RGSL1: variants seen among roughly 807,000 people sequenced by gnomAD.
The protein encoded by RGSL1 is regulator of G protein signaling protein-like.
RGSL1 carries 97 observed loss-of-function variants against 124.7 expected under a neutral mutation model. That is an observed-to-expected ratio of 0.78 (90% CI 0.66 to 0.92). The LOEUF (loss-of-function observed/expected upper bound fraction) is 0.92, where lower values mean the gene tolerates loss of function less well. Among genes scored for constraint, RGSL1 ranks in the 40% least tolerant of loss-of-function variants. The pLI, the probability that RGSL1 is intolerant of heterozygous loss-of-function variation, is 0.00. For missense variants in RGSL1, 1,233 were observed against 1,288.4 expected (o/e 0.96, Z 0.66); for synonymous variants, 424 against 438.1 (o/e 0.97, Z 0.40).
chr1:182,554,707 G>A lies in RGSL1; in HGVS notation c.3197+14G>A, dbSNP rs1300424255. The A allele has an allele frequency of 3.2e-6, 5 of 1,551,330 alleles. No homozygotes were observed. Among genetic ancestry groups the A allele is most frequent in the Non-Finnish European group, 4.4e-6 (5 of 1,146,810 alleles). On this transcript the variant is annotated intron_variant, in intron 20 of 21. Transcript: ENST00000294854. ...TCCCGTCCAGGGGTAGGCATGAGCT[G>A]GAAATCCTCTTCTTCAGTCCAGAGC...
chr1:182,558,256 G>A (rs1660975355), intron 21 of RGSL1, among the ~76,000 whole-genome samples: 1 of 151,996 alleles, frequency 6.6e-6, no homozygotes, highest in Non-Finnish European at 1.5e-5. Flanking sequence ...TAAAAAATAT[G>A]GGAGGGGAGG....
upstream of RGSL1, among the ~76,000 whole-genome samples, chr1:182,448,940 G>A (rs983932129): frequency 3.3e-5 from 5 of 152,170 alleles, no homozygotes; most frequent in Non-Finnish European, 2.9e-5. Flanking sequence ...CAGTCTGAAA[G>A]CATTCCATCT....
In RGSL1 at chr1:182,541,765, C is replaced by T. The variant is rs149452107; in HGVS notation, c.2669+1344C>T. Among the ~76,000 whole-genome samples, 562 of 152,208 alleles carry T rather than the reference C, an allele frequency of 3.7e-3. 1 individual carries two copies. Among genetic ancestry groups the T allele is most frequent in the African/African-American group, 0.013 (526 of 41,540 alleles). On this transcript the variant is annotated intron_variant, in intron 15 of 21. Coordinates refer to ENST00000294854, the MANE Select transcript of RGSL1 (RefSeq NM_001137669.2). ...TTATTCCCTGTCTTTTTGATAATAG[C>T]GACTTTAACTAGGGTAAGATGATAT... is the stretch of plus-strand genomic sequence containing the variant.
In RGSL1 at chr1:182,458,370, T is replaced by C; in HGVS notation, c.148T>C (p.Trp50Arg). The C allele has an allele frequency of 1.3e-6, 2 of 1,552,122 alleles. No homozygotes were observed. Among genetic ancestry groups the C allele is most frequent in the Non-Finnish European group, 1.7e-6 (2 of 1,147,058 alleles). The change falls in exon 3 of 22, where the codon TGG becomes CGG. Residue 50 changes from tryptophan to arginine, a missense_variant. Transcript: ENST00000294854. ...TGTTGAAAATTCACAGTGGAGCTTG[T>C]GGCCAGAAATACCTTGTAACTTGGT... ...YTVENSQWSLWPEIPCNLIAK... is the reference protein window; with the variant it reads ...YTVENSQWSLRPEIPCNLIAK...
chr1:182,528,150 G>A (rs762320083), intron 11 of RGSL1, among the ~76,000 whole-genome samples: 5 of 152,142 alleles, frequency 3.3e-5, no homozygotes, highest in East Asian at 1.9e-4. Context: ...CAAATGAAGG[G>A]GGAAGCCCCT....
At chr1:182,507,696 T>C (rs1332985112) in intron 9 of RGSL1, among the ~76,000 whole-genome samples, 2 of 151,926 alleles carry the variant, frequency 1.3e-5, no homozygotes, top group Non-Finnish European at 1.5e-5. Flanking sequence ...AACATGGGAG[T>C]GCAGATTTTT....
chr1:182,498,261 G>A (rs1473840266), intron 9 of RGSL1, among the ~76,000 whole-genome samples: 3 of 151,564 alleles, frequency 2.0e-5, no homozygotes, highest in South Asian at 2.1e-4. Flanking sequence ...TTTCAAGCTG[G>A]CTTATGTCTC....
chr1:182,472,930 C>T (rs561869224), intron 5 of RGSL1, among the ~76,000 whole-genome samples: 2 of 152,226 alleles, frequency 1.3e-5, no homozygotes, highest in South Asian at 4.1e-4. Flanking sequence ...CTGTATGTGG[C>T]CTGTGAGCTA....
chr1:182,462,332 G>A (rs919860980), intron 4 of RGSL1, among the ~76,000 whole-genome samples: 23 of 152,150 alleles, frequency 1.5e-4, no homozygotes, highest in Middle Eastern at 6.8e-3. Flanking sequence ...GAGCTTTCCC[G>A]CAAGAAATGC....
Position 182,556,122 on chromosome 1 carries a change from T to C in RGSL1, c.*65T>C. On this transcript the variant is annotated 3_prime_UTR_variant, in exon 21 of 22. Coordinates refer to ENST00000294854, the MANE Select transcript of RGSL1 (RefSeq NM_001137669.2). ...GGCCTCCTAACACTGACAGAAACTT[T>C]TCTGGTCAAAAATGAAAGGTCCTGG... 1 of 1,466,140 alleles carries C rather than the reference T, an allele frequency of 6.8e-7. No homozygotes were observed. The highest frequency in any genetic ancestry group is 9.3e-7 in the Non-Finnish European group (1 of 1,080,142). 90.8% of individuals were successfully genotyped at this position (1,466,140 alleles called of 1,614,324 possible).
At chr1:182,521,583 T>C (rs1403086269) in intron 9 of RGSL1, among the ~76,000 whole-genome samples, 1 of 152,202 alleles carries the variant, frequency 6.6e-6, no homozygotes, top group African/African-American at 2.4e-5. Flanking sequence ...GAAAGTTTGC[T>C]TATTACAAAG....
At chr1:182,455,942 A>G (rs1652282614) in intron 2 of RGSL1, among the ~76,000 whole-genome samples, 1 of 152,206 alleles carries the variant, frequency 6.6e-6, no homozygotes, top group African/African-American at 2.4e-5. Context: ...GGTCTGGCCA[A>G]TGGGTGGGCA....
intron 2 of RGSL1, among the ~76,000 whole-genome samples, chr1:182,456,126 C>T (rs181672058): frequency 1.3e-5 from 2 of 152,024 alleles, no homozygotes. Context: ...AAGGTGGTAA[C>T]AGGAAGAAAG....
intron 15 of RGSL1, among the ~76,000 whole-genome samples, chr1:182,542,769 G>A (rs540263819): frequency 6.6e-6 from 1 of 151,934 alleles, no homozygotes; most frequent in South Asian, 2.1e-4. Context: ...ATATTTTTCA[G>A]TTCTTTGTTT....
intron 6 of RGSL1, among the ~76,000 whole-genome samples, chr1:182,487,162 C>T (rs1390905767): frequency 6.6e-6 from 1 of 152,144 alleles, no homozygotes; most frequent in Non-Finnish European, 1.5e-5. Flanking sequence ...ACTCAAGTTT[C>T]CCAGGAGCCA....
rs141219436 is a variant in RGSL1 at position 182,485,523 on chromosome 1, C to T, written c.1432-2762C>T. On this transcript the variant is annotated intron_variant, in intron 6 of 21. Coordinates refer to ENST00000294854, the MANE Select transcript of RGSL1 (RefSeq NM_001137669.2). The stretch of plus-strand genomic sequence containing the variant: ...TGCCTCAAAGACACTCTATATGCAG[C>T]GCCTGGTAGTGAGTAGGTAAATACA... Among the ~76,000 whole-genome samples, 313 of 152,206 alleles carry T rather than the reference C, an allele frequency of 2.1e-3. 1 individual carries two copies. The highest frequency in any genetic ancestry group is 6.9e-3 in the African/African-American group (288 of 41,518).
At position 182,469,778 on chromosome 1, in the gene RGSL1, A is replaced by G. The variant is rs1395217174; in HGVS notation, c.302-2618A>G. On this transcript the variant is annotated intron_variant, in intron 4 of 21. Transcript: ENST00000294854. ...GAAACCATCAATGGATGAATGGATAAGCAAAATGTGAGATTTTAAATATAT... is the reference window on the plus strand; with the variant it reads ...GAAACCATCAATGGATGAATGGATAGGCAAAATGTGAGATTTTAAATATAT... Among the ~76,000 whole-genome samples, 3 of 152,228 alleles carry G rather than the reference A, an allele frequency of 2.0e-5. No individual in the cohort carries two copies. The East Asian group carries it at 5.8e-4, about 29-fold the overall frequency.
upstream of RGSL1, among the ~76,000 whole-genome samples, chr1:182,449,777 A>G (rs1651675067): frequency 6.6e-6 from 1 of 152,196 alleles, no homozygotes; most frequent in South Asian, 2.1e-4. Context: ...TCCAGGAGTT[A>G]CTGCTTATTA....
chr1:182,479,860 A>G (rs1654562558), intron 6 of RGSL1, among the ~76,000 whole-genome samples: 1 of 152,232 alleles, frequency 6.6e-6, no homozygotes, highest in Non-Finnish European at 1.5e-5. Context: ...GATAGAATTT[A>G]AGTCAAAAGC....
Sources: allele counts gnomAD v4.1 joint callset (sites outside exome capture counted in the v4.1 genomes callset), GRCh38; gene constraint gnomAD v4.1.1; transcripts MANE v1.5; gene names NCBI Gene and HGNC (gene_info 2026-07-23, HGNC 2026-07-21).